Variants in BBS9 observed in about 807,000 individuals in gnomAD.
The protein encoded by BBS9 is protein PTHB1.
In BBS9, 89 loss-of-function variants were observed where a neutral mutation model predicts 117.7. The observed-to-expected ratio is 0.76, with a 90% confidence interval of 0.64 to 0.90. The LOEUF is 0.90. Ranked by LOEUF, BBS9 falls within the 40% of genes least tolerant of loss-of-function variation. BBS9 has a pLI of 0.00. For synonymous variants in BBS9, 379 were observed against 370.9 expected (o/e 1.02, Z -0.25); for missense variants, 982 against 1,042.2 (o/e 0.94, Z 0.80).
chr7:33,142,398 G>C (rs1791619919), intron 1 of BBS9, among the ~76,000 whole-genome samples: 4 of 152,140 alleles, frequency 2.6e-5, no homozygotes, highest in Admixed American at 6.5e-5. Context: ...GTGGTCTACT[G>C]TATTCCTTTT....
At chr7:33,368,747 G>A (rs542492717) in intron 17 of BBS9, among the ~76,000 whole-genome samples, 2 of 152,124 alleles carry the variant, frequency 1.3e-5, no homozygotes, top group South Asian at 4.2e-4. Context: ...CTAATAATAA[G>A]AGTACAATAA....
intron 9 of BBS9, chr7:33,314,370 A>G (rs1475010345): frequency 1.6e-5 from 6 of 372,596 alleles, no homozygotes; most frequent in Admixed American, 1.1e-4. Context: ...TGGCATTTAT[A>G]CATTCAAAGC....
At chr7:33,296,127 G>T (rs1805224084) in intron 9 of BBS9, among the ~76,000 whole-genome samples, 1 of 151,842 alleles carries the variant, frequency 6.6e-6, no homozygotes. Flanking sequence ...CTTTAAAATG[G>T]GTAGAAAAAG....
At chr7:33,515,436 G>A (rs1325058386) in intron 20 of BBS9, among the ~76,000 whole-genome samples, 12 of 152,142 alleles carry the variant, frequency 7.9e-5, no homozygotes, top group African/African-American at 1.9e-4. Context: ...TTTCTTGGGT[G>A]TGCCACTGTT....
chr7:33,236,468 A>C (rs995836527), intron 5 of BBS9, among the ~76,000 whole-genome samples: 1 of 151,972 alleles, frequency 6.6e-6, no homozygotes, highest in African/African-American at 2.4e-5. Context: ...ACACATACAT[A>C]CTTTAAACAA....
intron 9 of BBS9, among the ~76,000 whole-genome samples, chr7:33,280,911 G>GTTTTT (rs150736523): frequency 9.8e-4 from 78 of 79,348 alleles, no homozygotes; most frequent in African/African-American, 2.6e-3. Flanking sequence ...TGTCGTTTTT[G>GTTTTT]TTTTTTTTTT....
chr7:33,197,118 T>A (rs996155471), intron 5 of BBS9, among the ~76,000 whole-genome samples: 9 of 151,976 alleles, frequency 5.9e-5, no homozygotes, highest in African/African-American at 1.4e-4. Context: ...AAAAAAAAAA[T>A]AATTTCTTTC....
intron 21 of BBS9, among the ~76,000 whole-genome samples, chr7:33,564,452 C>G (rs998939974): frequency 1.3e-5 from 2 of 152,172 alleles, no homozygotes; most frequent in Admixed American, 6.5e-5. Flanking sequence ...CTTTCTGGGC[C>G]TTAGTCTCCT....
At chr7:33,599,578 A>G (rs1437090602) in intron 21 of BBS9, among the ~76,000 whole-genome samples, 6 of 152,208 alleles carry the variant, frequency 3.9e-5, no homozygotes, top group Non-Finnish European at 8.8e-5. Flanking sequence ...CAATTCAGTC[A>G]TAGGCCCCAT....
intron 5 of BBS9, among the ~76,000 whole-genome samples, chr7:33,227,733 T>A (rs1303944532): frequency 6.6e-6 from 1 of 152,210 alleles, no homozygotes; most frequent in Non-Finnish European, 1.5e-5. Context: ...TCTGAATTAC[T>A]TCACTTAGAA....
At chr7:33,193,305 ATTC>A (rs1248869078) in intron 5 of BBS9, among the ~76,000 whole-genome samples, 2 of 151,234 alleles carry the variant, frequency 1.3e-5, no homozygotes, top group African/African-American at 4.9e-5. Context: ...TTTAATTCAT[ATTC>A]TTATTAAATT....
chr7:33,291,869 A>G (rs1804113665), intron 9 of BBS9, among the ~76,000 whole-genome samples: 1 of 152,170 alleles, frequency 6.6e-6, no homozygotes, highest in South Asian at 2.1e-4. Flanking sequence ...GGTTTTTTCT[A>G]TAGCTGGGAC....
At chr7:33,224,333 C>T (rs117213859) in intron 5 of BBS9, among the ~76,000 whole-genome samples, 3,410 of 152,248 alleles carry the variant, frequency 0.022, 48 homozygotes, top group Non-Finnish European at 0.034. Context: ...GAGATTTGGA[C>T]CTGGTGGATC....
chr7:33,462,193 A>G (rs1008258942), intron 19 of BBS9, among the ~76,000 whole-genome samples: 5 of 152,096 alleles, frequency 3.3e-5, no homozygotes, highest in African/African-American at 9.6e-5. Flanking sequence ...AGCTTCTCCT[A>G]TTATGAAATG....
Position 33,219,764 on chromosome 7 carries a change from G to A in BBS9, c.443-37472G>A, listed in dbSNP as rs1789859107. 2.0e-5 allele frequency among the ~76,000 whole-genome samples: 3 copies of A among 152,114 alleles called. 1 individual carries two copies. The South Asian group carries it at 6.2e-4, about 32-fold the overall frequency. On this transcript the variant is annotated intron_variant, in intron 5 of 22. Transcript: ENST00000242067. ...CTACCAATCAATAGGATGTGGGTGG[G>A]GCCAGATAAGAGAATAAAAAGCAGG... is the stretch of plus-strand genomic sequence containing the variant.
At chr7:33,460,596 A>AT (rs1024088854) in intron 19 of BBS9, among the ~76,000 whole-genome samples, 7 of 151,428 alleles carry the variant, frequency 4.6e-5, no homozygotes, top group Non-Finnish European at 8.9e-5. Flanking sequence ...GGTATTCTTA[A>AT]TTTTTTTTTC....
chr7:33,239,409 C>G (rs1440387097), intron 5 of BBS9, among the ~76,000 whole-genome samples: 1 of 151,690 alleles, frequency 6.6e-6, no homozygotes, highest in Non-Finnish European at 1.5e-5. Context: ...GGTGGGTTAT[C>G]TTTTTAACTT....
chr7:33,310,381 G>T (rs1288875596), intron 9 of BBS9, among the ~76,000 whole-genome samples: 1 of 152,062 alleles, frequency 6.6e-6, no homozygotes, highest in African/African-American at 2.4e-5. Context: ...TGTTGGAAAT[G>T]TTATAATTTC....
intron 1 of BBS9, among the ~76,000 whole-genome samples, chr7:33,144,690 A>T (rs10255689): frequency 0.16 from 24,625 of 152,184 alleles, 2,131 homozygotes; most frequent in South Asian, 0.21. Context: ...TGTTCCTAAA[A>T]GCAAGAAGGC....
Sources: gnomAD v4.1 joint callset for allele counts (sites outside exome capture counted in the v4.1 genomes callset) on GRCh38, gnomAD v4.1.1 for gene constraint, MANE v1.5 for transcripts, NCBI Gene and HGNC (gene_info 2026-07-23, HGNC 2026-07-21) for gene names.